RBMS1: variants seen among roughly 807,000 people sequenced by gnomAD.
RBMS1 encodes the protein RNA binding motif single stranded interacting protein 1.
In RBMS1, 17 loss-of-function variants were observed where a neutral mutation model predicts 62.3. The ratio of observed to expected loss-of-function variants is 0.27; its 90% confidence interval spans 0.19 to 0.41. The LOEUF is 0.41. Among genes scored for constraint, RBMS1 ranks in the 10% least tolerant of loss-of-function variants. RBMS1 has a pLI of 1.00. For missense variants in RBMS1, 334 were observed against 504.5 expected (o/e 0.66, Z 3.24); for synonymous variants, 172 against 170.0 (o/e 1.01, Z -0.09).
intron 1 of RBMS1, among the ~76,000 whole-genome samples, chr2:160,476,705 C>A (rs1476405214): frequency 2.6e-5 from 4 of 151,662 alleles, no homozygotes; most frequent in African/African-American, 9.7e-5. Context: ...CAGGCGCCCG[C>A]CACTACGCCC....
chr2:160,333,782 G>A (rs909928643), intron 2 of RBMS1, among the ~76,000 whole-genome samples: 6 of 152,078 alleles, frequency 3.9e-5, no homozygotes, highest in Non-Finnish European at 8.8e-5. Context: ...TAGTGGCTGA[G>A]CATAAAACAG....
At chr2:160,484,132 C>T (rs956476978) in intron 1 of RBMS1, among the ~76,000 whole-genome samples, 1 of 152,050 alleles carries the variant, frequency 6.6e-6, no homozygotes, top group African/African-American at 2.4e-5. Flanking sequence ...GCCACTGCTC[C>T]CCACCCTGGG....
In RBMS1 at chr2:160,482,423, CAAA is replaced by C. The variant is rs1559606668; in HGVS notation, c.75+10863_75+10865del. 1.2e-4 allele frequency among the ~76,000 whole-genome samples: 13 copies of C among 108,366 alleles called. No homozygotes were observed. In the South Asian group the frequency reaches 3.4e-3, roughly 28 times the overall value. 71.1% of individuals were successfully genotyped at this position (108,366 alleles called of 152,430 possible). On this transcript the variant is annotated intron_variant, in intron 1 of 13. Coordinates refer to ENST00000348849, the MANE Select transcript of RBMS1 (RefSeq NM_016836.4). ...GTGCACTATATAAGTTTTAAATAAA[CAAA>C]TAAAATTATTCCACTGCACTTTGTG...
At chr2:160,345,496 T>C (rs960782926) in intron 2 of RBMS1, among the ~76,000 whole-genome samples, 1 of 152,162 alleles carries the variant, frequency 6.6e-6, no homozygotes, top group African/African-American at 2.4e-5. Flanking sequence ...ATTTTAAAGA[T>C]AAAGAAACAG....
chr2:160,437,989 A>T (rs1683183988), intron 1 of RBMS1, among the ~76,000 whole-genome samples: 1 of 152,190 alleles, frequency 6.6e-6, no homozygotes, highest in African/African-American at 2.4e-5. Flanking sequence ...GATCAGGGAG[A>T]TTAGCTAAGA....
At chr2:160,411,204 GCAGGACCAATCCAATTC>G (rs1696018132) in intron 1 of RBMS1, among the ~76,000 whole-genome samples, 1 of 152,172 alleles carries the variant, frequency 6.6e-6, no homozygotes, top group African/African-American at 2.4e-5. Flanking sequence ...GAAAAAATGA[GCAGGACCAATCCAATTC>G]TCACCCTTGG....
chr2:160,490,339 A>C (rs1685770418), intron 1 of RBMS1, among the ~76,000 whole-genome samples: 3 of 151,788 alleles, frequency 2.0e-5, no homozygotes, highest in Admixed American at 6.6e-5. Flanking sequence ...ACAGCATGTG[A>C]AATCAGGTTA....
At chr2:160,438,611 G>A (rs1168300658) in intron 1 of RBMS1, among the ~76,000 whole-genome samples, 1 of 152,200 alleles carries the variant, frequency 6.6e-6, no homozygotes, top group East Asian at 1.9e-4. Context: ...CAAGGCAGAA[G>A]AATTTTTCTT....
At chr2:160,454,405 A>T (rs1241435733) in intron 1 of RBMS1, among the ~76,000 whole-genome samples, 1 of 152,226 alleles carries the variant, frequency 6.6e-6, no homozygotes, top group East Asian at 1.9e-4. Flanking sequence ...ATAGTTATAA[A>T]ATGCAGTAGG....
At chr2:160,437,645 A>G (rs1473086501) in intron 1 of RBMS1, among the ~76,000 whole-genome samples, 2 of 152,356 alleles carry the variant, frequency 1.3e-5, no homozygotes, top group East Asian at 3.9e-4. Flanking sequence ...CGACTTCCCA[A>G]GGGTTTGATG....
intron 2 of RBMS1, among the ~76,000 whole-genome samples, chr2:160,352,396 G>A (rs1285908204): frequency 6.6e-6 from 1 of 152,064 alleles, no homozygotes; most frequent in Non-Finnish European, 1.5e-5. Context: ...ACCAAATTAG[G>A]CTCTGAAGAA....
intron 6 of RBMS1, among the ~76,000 whole-genome samples, chr2:160,294,679 G>A (rs1261367965): frequency 6.6e-6 from 1 of 152,202 alleles, no homozygotes; most frequent in Non-Finnish European, 1.5e-5. Context: ...TGCCAGCCAT[G>A]CAAGAATCCA....
At chr2:160,428,666 A>G (rs1559540423) in intron 1 of RBMS1, among the ~76,000 whole-genome samples, 1 of 152,226 alleles carries the variant, frequency 6.6e-6, no homozygotes, top group Non-Finnish European at 1.5e-5. Context: ...GAGCATTTTT[A>G]AAGAATGTCT....
At chr2:160,451,337 G>A (rs1423201676) in intron 1 of RBMS1, among the ~76,000 whole-genome samples, 1 of 152,080 alleles carries the variant, frequency 6.6e-6, no homozygotes, top group Non-Finnish European at 1.5e-5. Context: ...GATTAACCCT[G>A]ATGAGTGTTC....
intron 1 of RBMS1, among the ~76,000 whole-genome samples, chr2:160,426,225 GAAAGAAAGAA>G (rs1559537046): frequency 2.6e-5 from 2 of 77,984 alleles, no homozygotes; most frequent in African/African-American, 5.5e-5. Context: ...ACAGAAGAAA[GAAAGAAAGAA>G]AGAAAGAAAG....
chr2:160,277,561 T>C, intron 11 of RBMS1, 178 bp from the exon 12 acceptor site: 1 of 416,310 alleles, frequency 2.4e-6, no homozygotes, highest in South Asian at 8.0e-5. Context: ...GTAAACTGTT[T>C]TCTACTTTTT....
rs1695740143 is a variant in RBMS1 at position 160,406,892 on chromosome 2, T to G, written c.76-39501A>C. On this transcript the variant is annotated intron_variant, in intron 1 of 13. Transcript: ENST00000348849. ...GACTCAGGCATATCCAAGTATCTTC[T>G]GCAACTAGGATGTCACAGGATTTCC... is the stretch of plus-strand genomic sequence containing the variant. 1.3e-5 allele frequency among the ~76,000 whole-genome samples: 2 copies of G among 152,206 alleles called. 1 individual carries two copies.
At chr2:160,341,085 T>A (rs964240810) in intron 2 of RBMS1, among the ~76,000 whole-genome samples, 1 of 152,150 alleles carries the variant, frequency 6.6e-6, no homozygotes, top group East Asian at 1.9e-4. Flanking sequence ...AAAAAATATA[T>A]GTTTGAGTGG....
chr2:160,418,834 A>C (rs1696305440), intron 1 of RBMS1, among the ~76,000 whole-genome samples: 1 of 152,230 alleles, frequency 6.6e-6, no homozygotes, highest in Admixed American at 6.5e-5. Flanking sequence ...TCATCTAATA[A>C]GAATTATTAA....
Sources: allele counts gnomAD v4.1 joint callset (sites outside exome capture counted in the v4.1 genomes callset), GRCh38; gene constraint gnomAD v4.1.1; transcripts MANE v1.5; gene names NCBI Gene and HGNC (gene_info 2026-07-23, HGNC 2026-07-21).